HDAC9: variants seen among roughly 807,000 people sequenced by gnomAD.
The protein encoded by HDAC9 is histone deacetylase 9, also known as MEF-2 interacting transcription repressor (MITR) protein.
HDAC9 carries 41 observed loss-of-function variants against 139.4 expected under a neutral mutation model. The observed-to-expected ratio is 0.29, with a 90% CI of 0.23 to 0.38. The LOEUF (loss-of-function observed/expected upper bound fraction) is 0.38. HDAC9 is among the 10% of genes least tolerant of loss of function. The pLI is 1.00. For synonymous variants in HDAC9, 517 were observed against 476.2 expected (o/e 1.09, Z -1.12); for missense variants, 1,147 against 1,297.0 (o/e 0.88, Z 1.78).
chr7:18,692,926 G>A (rs1213321127), intron 12 of HDAC9, among the ~76,000 whole-genome samples: 1 of 151,988 alleles, frequency 6.6e-6, no homozygotes, highest in Non-Finnish European at 1.5e-5. Flanking sequence ...ATATTCAGTA[G>A]CCGATGATAA....
intron 2 of HDAC9, among the ~76,000 whole-genome samples, chr7:18,267,697 T>G (rs1011832385): frequency 2.0e-5 from 3 of 152,168 alleles, no homozygotes; most frequent in Non-Finnish European, 4.4e-5. Context: ...CTTTCTTTAT[T>G]GATGGACACT....
intron 1 of HDAC9, among the ~76,000 whole-genome samples, chr7:18,377,035 G>T (rs1562932196): frequency 6.6e-6 from 1 of 152,126 alleles, no homozygotes; most frequent in Non-Finnish European, 1.5e-5. Flanking sequence ...TAGAGATACA[G>T]TGTTGACAGT....
rs1563125036 is a variant in HDAC9 at position 19,001,135 on chromosome 7, C to T, written c.*5073C>T. ...TAGTTTGCCATCATCTGGCTACTAC[C>T]TAATCATGTTGTACTAGTTATTGTG... On this transcript the variant is annotated 3_prime_UTR_variant, in exon 26 of 26. Coordinates refer to ENST00000686413, the MANE Select transcript of HDAC9 (RefSeq NM_178425.4). 1 of 152,086 alleles carries T rather than the reference C, an allele frequency of 6.6e-6. No homozygotes were observed. Among genetic ancestry groups the T allele is most frequent in the Admixed American group, 6.5e-5 (1 of 15,272 alleles). The allele number at this position is 152,086 out of a possible 1,614,324, so 9.4% of individuals were successfully genotyped here. A position where few individuals can be genotyped will look rare whatever the true frequency, so the allele number is the denominator to read the frequency against.
chr7:18,991,034 C>T (rs144236580), intron 25 of HDAC9, among the ~76,000 whole-genome samples: 5,765 of 152,292 alleles, frequency 0.038, 153 homozygotes, highest in Non-Finnish European at 0.059. Flanking sequence ...AGCTGTAGAC[C>T]GGAGCTGTTC....
chr7:18,947,759 G>T (rs1782504679), intron 23 of HDAC9, among the ~76,000 whole-genome samples: 1 of 151,810 alleles, frequency 6.6e-6, no homozygotes, highest in South Asian at 2.1e-4. Flanking sequence ...ATTTTTTGAG[G>T]CCTATGTGAT....
At chr7:18,681,949 T>A (rs570547421) in intron 12 of HDAC9, among the ~76,000 whole-genome samples, 1 of 152,160 alleles carries the variant, frequency 6.6e-6, no homozygotes, top group Admixed American at 6.5e-5. Flanking sequence ...TGGGATTTTT[T>A]AAGCAAATTA....
chr7:18,178,402 G>A (rs146648457), intron 2 of HDAC9, among the ~76,000 whole-genome samples: 12 of 152,270 alleles, frequency 7.9e-5, no homozygotes, highest in African/African-American at 2.6e-4. Flanking sequence ...TTCTAAGGTG[G>A]CTTATCTATT....
intron 22 of HDAC9, among the ~76,000 whole-genome samples, chr7:18,912,246 T>C (rs1357407480): frequency 6.6e-6 from 1 of 152,230 alleles, no homozygotes; most frequent in East Asian, 1.9e-4. Context: ...GCACTATAGA[T>C]GAGCGAGCTT....
chr7:18,156,127 A>G (rs1787181514), intron 1 of HDAC9, among the ~76,000 whole-genome samples: 1 of 152,150 alleles, frequency 6.6e-6, no homozygotes, highest in South Asian at 2.1e-4. Flanking sequence ...CCCTGTCTTC[A>G]TGAATAAGTG....
chr7:18,109,226 A>T (rs1021773184), intron 1 of HDAC9, among the ~76,000 whole-genome samples: 14 of 152,190 alleles, frequency 9.2e-5, no homozygotes, highest in African/African-American at 1.9e-4. Context: ...ACTGAGAACC[A>T]CTCAGTACCC....
At chr7:18,931,524 T>A (rs1804741199) in intron 22 of HDAC9, among the ~76,000 whole-genome samples, 1 of 152,150 alleles carries the variant, frequency 6.6e-6, no homozygotes, top group Non-Finnish European at 1.5e-5. Flanking sequence ...AGTAGTTAAG[T>A]GGTTAAAATC....
At chr7:18,610,943 A>C (rs1263444935) in intron 6 of HDAC9, among the ~76,000 whole-genome samples, 1 of 152,206 alleles carries the variant, frequency 6.6e-6, no homozygotes, top group African/African-American at 2.4e-5. Flanking sequence ...TCAACAGTGC[A>C]AATGATATAT....
At position 19,001,577 on chromosome 7, in the gene HDAC9, T is replaced by C. The variant is rs1347733799; in HGVS notation, c.*5515T>C. 4 of 151,174 alleles carry C rather than the reference T, an allele frequency of 2.6e-5. No homozygotes were observed. Among genetic ancestry groups the C allele is most frequent in the Non-Finnish European group, 4.4e-5 (3 of 67,764 alleles). The allele number at this position is 151,174 out of a possible 1,614,324, so 9.4% of individuals were successfully genotyped here. A position where few individuals can be genotyped will look rare whatever the true frequency, so the allele number is the denominator to read the frequency against. ...AAAAAAAACAAAAAACAGAGAAGAA[T>C]TGCAAAATCTGAAGTGGAATGGCAC... On this transcript the variant is annotated 3_prime_UTR_variant, in exon 26 of 26. Transcript: ENST00000686413.
chr7:18,257,178 G>C (rs1488032468), intron 2 of HDAC9, among the ~76,000 whole-genome samples: 1 of 150,414 alleles, frequency 6.6e-6, no homozygotes, highest in Non-Finnish European at 1.5e-5. Flanking sequence ...ACAAAAATAA[G>C]AGAAGAAAAC....
intron 1 of HDAC9, among the ~76,000 whole-genome samples, chr7:18,116,786 T>C (rs1297625269): frequency 6.6e-6 from 1 of 152,198 alleles, no homozygotes; most frequent in African/African-American, 2.4e-5. Flanking sequence ...CTGTGACTTC[T>C]ATCTTGCTGC....
intron 21 of HDAC9, among the ~76,000 whole-genome samples, chr7:18,843,905 T>C (rs1391522228): frequency 6.6e-6 from 1 of 152,196 alleles, no homozygotes; most frequent in Non-Finnish European, 1.5e-5. Context: ...GTGAAAACTT[T>C]GCTCAACTGA....
intron 19 of HDAC9, among the ~76,000 whole-genome samples, chr7:18,830,758 TG>T (rs1287976965): frequency 6.6e-6 from 1 of 152,174 alleles, no homozygotes; most frequent in Non-Finnish European, 1.5e-5. Flanking sequence ...TAACTATCCA[TG>T]TATTTTCCAT....
chr7:18,791,840 G>A (rs900506710), intron 16 of HDAC9, among the ~76,000 whole-genome samples: 1 of 152,138 alleles, frequency 6.6e-6, no homozygotes, highest in Admixed American at 6.5e-5. Context: ...GCTAGCTTTT[G>A]TTTACCACTT....
chr7:18,307,576 G>A lies in HDAC9; in HGVS notation c.-42+17061G>A, dbSNP rs992316451. ...CCAGCACTTTGGGAGTGTGAGGCGG[G>A]CAGATCACCTGAGGTCAGGAGTTGT... On this transcript the variant is annotated intron_variant, in intron 1 of 3. Coordinates refer to the HDAC9 transcript ENST00000413509. 1.2e-4 allele frequency among the ~76,000 whole-genome samples: 19 copies of A among 152,248 alleles called. No individual in the cohort carries two copies. The East Asian group carries it at 1.7e-3, about 14-fold the overall frequency.
Sources: allele counts gnomAD v4.1 joint callset (sites outside exome capture counted in the v4.1 genomes callset), GRCh38; gene constraint gnomAD v4.1.1; transcripts MANE v1.5; gene names NCBI Gene and HGNC (gene_info 2026-07-23, HGNC 2026-07-21).